Variants in GALNT13 observed in about 807,000 individuals in gnomAD.
GALNT13 encodes the protein polypeptide N-acetylgalactosaminyltransferase 13.
GALNT13 carries 28 observed loss-of-function variants against 64.2 expected under a neutral mutation model. That is an observed-to-expected ratio of 0.44 (90% CI 0.32 to 0.60). GALNT13 has a LOEUF of 0.60. Ranked by LOEUF, GALNT13 falls within the 20% of genes least tolerant of loss-of-function variation. GALNT13 has a pLI of 0.05. For synonymous variants in GALNT13, 214 were observed against 224.6 expected, an observed-to-expected ratio of 0.95 and a Z score of 0.42; for missense variants, 577 against 669.8, an observed-to-expected ratio of 0.86 and a Z score of 1.53.
chr2:154,050,957 A>G (rs1039207294), intron 3 of GALNT13, among the ~76,000 whole-genome samples: 1 of 152,200 alleles, frequency 6.6e-6, no homozygotes, highest in Admixed American at 6.5e-5. Flanking sequence ...TAGCGCATAC[A>G]CAATACTTGA....
At position 153,956,375 on chromosome 2, in the gene GALNT13, T is replaced by C. The variant is rs1038310669; in HGVS notation, c.142+11736T>C. 3.3e-5 allele frequency among the ~76,000 whole-genome samples: 5 copies of C among 152,340 alleles called. No homozygotes were observed. In the East Asian group the frequency reaches 5.8e-4, roughly 18 times the overall value. On this transcript the variant is annotated intron_variant, in intron 3 of 12. Coordinates refer to ENST00000392825, the MANE Select transcript of GALNT13 (RefSeq NM_052917.4). ...ACCTTAAGAAAATTTGGTTCAGATA[T>C]AGAGACCATTTTCTAAAAAGCCTGT...
intron 2 of GALNT13, among the ~76,000 whole-genome samples, chr2:153,932,626 C>CTTTTTTTTTTTTTTTTTTTTTTTT: frequency 1.0e-5 from 1 of 95,650 alleles, no homozygotes; most frequent in Non-Finnish European, 2.0e-5. Flanking sequence ...TTCTGTCTTT[C>CTTTTTTTTTTTTTTTTTTTTTTTT]TTTTTTTTTT....
chr2:153,520,460 T>G, the GALNT13 span, among the ~76,000 whole-genome samples: 1 of 152,168 alleles, frequency 6.6e-6, no homozygotes, highest in Non-Finnish European at 1.5e-5. Flanking sequence ...TTGGCTTCAT[T>G]GAGAATCTAA....
the GALNT13 span, among the ~76,000 whole-genome samples, chr2:153,082,823 T>TTATTTATTGAATAAATAAAATATATA: frequency 7.2e-6 from 1 of 139,420 alleles, no homozygotes; most frequent in African/African-American, 2.8e-5. Flanking sequence ...TAAAATATAT[T>TTATTTATTGAATAAATAAAATATATA]TTATTTATTT....
chr2:154,285,760 T>C (rs898543353), intron 8 of GALNT13, among the ~76,000 whole-genome samples: 1 of 152,188 alleles, frequency 6.6e-6, no homozygotes, highest in African/African-American at 2.4e-5. Context: ...AAAATAACAT[T>C]GCAATTTTGA....
At chr2:154,094,901 A>G (rs1179787025) in intron 3 of GALNT13, among the ~76,000 whole-genome samples, 1 of 151,938 alleles carries the variant, frequency 6.6e-6, no homozygotes, top group African/African-American at 2.4e-5. Context: ...TAATTTTTGA[A>G]CATAAATAAT....
At chr2:154,059,690 G>A (rs1700072479) in intron 3 of GALNT13, among the ~76,000 whole-genome samples, 1 of 151,016 alleles carries the variant, frequency 6.6e-6, no homozygotes, top group Non-Finnish European at 1.5e-5. Context: ...ACTAATAGTT[G>A]GATTTTTGTA....
intron 7 of GALNT13, among the ~76,000 whole-genome samples, chr2:154,251,414 AG>A (rs1690064924): frequency 6.6e-6 from 1 of 152,208 alleles, no homozygotes; most frequent in Non-Finnish European, 1.5e-5. Context: ...TAGATGTTTA[AG>A]CACAAGTTTA....
intron 6 of GALNT13, among the ~76,000 whole-genome samples, chr2:154,245,475 A>G (rs934014739): frequency 6.6e-6 from 1 of 152,186 alleles, no homozygotes; most frequent in African/African-American, 2.4e-5. Flanking sequence ...TCAATGGATT[A>G]TAGCTAAAAT....
the GALNT13 span, among the ~76,000 whole-genome samples, chr2:153,370,091 CATAA>C: frequency 6.6e-6 from 1 of 152,112 alleles, no homozygotes; most frequent in Non-Finnish European, 1.5e-5. Flanking sequence ...AATTTGATAA[CATAA>C]ATGTTAGCGA....
chr2:153,871,158 T>G (rs1685900345), upstream of GALNT13, among the ~76,000 whole-genome samples: 1 of 152,208 alleles, frequency 6.6e-6, no homozygotes, highest in South Asian at 2.1e-4. Flanking sequence ...ACTGAGACAT[T>G]CATACGTCCA....
intron 3 of GALNT13, among the ~76,000 whole-genome samples, chr2:153,988,664 T>G (rs977379591): frequency 2.0e-5 from 3 of 151,972 alleles, no homozygotes; most frequent in Non-Finnish European, 4.4e-5. Flanking sequence ...TAGCTGATGT[T>G]ATACAGTTGT....
At chr2:153,901,250 T>C (rs1245793412) in intron 2 of GALNT13, among the ~76,000 whole-genome samples, 1 of 152,186 alleles carries the variant, frequency 6.6e-6, no homozygotes, top group Non-Finnish European at 1.5e-5. Flanking sequence ...TAGTTTGAAG[T>C]CGGGTAATGT....
the GALNT13 span, among the ~76,000 whole-genome samples, chr2:153,263,531 TA>T: frequency 1.3e-5 from 2 of 152,308 alleles, no homozygotes; most frequent in South Asian, 4.1e-4. Flanking sequence ...GGCATCATGC[TA>T]CCTGACTTGA....
the GALNT13 span, among the ~76,000 whole-genome samples, chr2:153,701,753 A>G: frequency 6.6e-6 from 1 of 152,244 alleles, no homozygotes; most frequent in Admixed American, 6.5e-5. Flanking sequence ...TAATCATTAG[A>G]GAAATGCAAA....
intron 9 of GALNT13, among the ~76,000 whole-genome samples, chr2:154,362,994 T>C (rs2105289879): frequency 7.2e-6 from 1 of 138,882 alleles, no homozygotes; most frequent in Admixed American, 7.9e-5. Flanking sequence ...GCTTTTAAAG[T>C]TGCATTGTAC....
At chr2:153,578,274 T>C in the GALNT13 span, among the ~76,000 whole-genome samples, 4 of 152,318 alleles carry the variant, frequency 2.6e-5, no homozygotes, top group East Asian at 7.7e-4. Flanking sequence ...TTAGGCAAAA[T>C]AGCATATATA....
the GALNT13 span, among the ~76,000 whole-genome samples, chr2:153,369,341 A>C: frequency 6.6e-6 from 1 of 152,276 alleles, no homozygotes; most frequent in South Asian, 2.1e-4. Flanking sequence ...CAGAAAAATA[A>C]GAGGAAAAAA....
At chr2:153,240,421 G>T in the GALNT13 span, among the ~76,000 whole-genome samples, 3 of 152,072 alleles carry the variant, frequency 2.0e-5, no homozygotes, top group African/African-American at 4.8e-5. Flanking sequence ...TACAAATTTG[G>T]GGCTCATCCA....
Sources: gnomAD v4.1 joint callset for allele counts (sites outside exome capture counted in the v4.1 genomes callset) on GRCh38, gnomAD v4.1.1 for gene constraint, MANE v1.5 for transcripts, NCBI Gene and HGNC (gene_info 2026-07-23, HGNC 2026-07-21) for gene names.